The following POGZ variants were observed in gnomAD, a reference collection of about 807,000 sequenced individuals.
The protein encoded by POGZ is pogo transposable element with ZNF domain.
In POGZ, 17 loss-of-function variants were observed where a neutral mutation model predicts 134.6. The ratio of observed to expected loss-of-function variants is 0.13; its 90% CI spans 0.09 to 0.19. POGZ has a LOEUF of 0.19. Among genes scored for constraint, POGZ ranks in the 10% least tolerant of loss-of-function variants. The probability of loss-of-function intolerance (pLI) is 1.00; values close to 1 mark genes in which losing one functional copy is unlikely to be tolerated. For synonymous variants in POGZ, 693 were observed against 657.1 expected, an observed-to-expected ratio of 1.05 and a Z score of -0.84; for missense variants, 1,306 against 1,769.7, an observed-to-expected ratio of 0.74 and a Z score of 4.70.
Position 151,428,286 on chromosome 1 carries a change from C to A in POGZ, c.696G>T (p.Pro232=), listed in dbSNP as rs148189275. The A allele has an allele frequency of 1.1e-5, 18 of 1,613,814 alleles. No homozygotes were observed. Among genetic ancestry groups the A allele is most frequent in the Non-Finnish European group, 1.4e-5 (16 of 1,179,980 alleles). Residue 232 remains proline, a synonymous_variant, in exon 6 of 19, where the codon CCG becomes CCT. Coordinates refer to ENST00000271715, the MANE Select transcript of POGZ (RefSeq NM_015100.4). ...CGGTGCTTCGAATGGTAAGAGTGGC[C>A]GGGATGACGGTGGTGAAGGTGTTGG... The part of the protein sequence containing the change: ...PTTNTFTTVI[P]ATLTIRSTVP...
At chr1:151,423,578 C>G (rs1657301608) in intron 9 of POGZ, 27 bp from the exon 10 acceptor site, 3 of 1,563,120 alleles carry the variant, frequency 1.9e-6, no homozygotes, top group Non-Finnish European at 2.6e-6. Flanking sequence ...AGAGAAAGTA[C>G]AGAAAACATA....
At chr1:151,453,684 A>G (rs12068791) in intron 1 of POGZ, among the ~76,000 whole-genome samples, 19 of 152,206 alleles carry the variant, frequency 1.2e-4, no homozygotes, top group African/African-American at 4.6e-4. Context: ...CTCACACAGA[A>G]CTATTAGCAA....
chr1:151,420,632 C>T (rs1656724890), intron 10 of POGZ, among the ~76,000 whole-genome samples: 1 of 152,048 alleles, frequency 6.6e-6, no homozygotes, highest in Non-Finnish European at 1.5e-5. Flanking sequence ...AATATACATT[C>T]TACTCCCAAA....
intron 1 of POGZ, among the ~76,000 whole-genome samples, chr1:151,446,270 A>AC (rs72506281): frequency 1.5e-5 from 2 of 137,352 alleles, no homozygotes; most frequent in African/African-American, 5.1e-5. Context: ...AAAAAAAAAA[A>AC]AAAACGAATT....
intron 12 of POGZ, among the ~76,000 whole-genome samples, chr1:151,411,193 C>A (rs1654604210): frequency 6.6e-6 from 1 of 152,174 alleles, no homozygotes; most frequent in Non-Finnish European, 1.5e-5. Context: ...ACTTCCAACC[C>A]CTCTGTCTCT....
chr1:151,403,746 T>C lies in POGZ; in HGVS notation c.*1056A>G. 2.0e-6 allele frequency: 2 copies of C among 985,764 alleles called. No individual in the cohort carries two copies. Among genetic ancestry groups the C allele is most frequent in the Non-Finnish European group, 2.4e-6 (2 of 829,936 alleles). The allele number at this position is 985,764 out of a possible 1,614,324, so 61.1% of individuals were successfully genotyped here. A position where few individuals can be genotyped will look rare whatever the true frequency, so the allele number is the denominator to read the frequency against. On this transcript the variant is annotated 3_prime_UTR_variant, in exon 19 of 19. Transcript: ENST00000271715. ...CGCTGGATTTCAACAAGTGGTCTTG[T>C]CTTTTTAAAGTTCAACACTTCTTGA...
chr1:151,406,251 G>A lies in POGZ; in HGVS notation c.2784C>T (p.Ala928=). 1 of 1,613,920 alleles carries A rather than the reference G, an allele frequency of 6.2e-7. No homozygotes were observed. The highest frequency in any genetic ancestry group is 1.1e-5 in the South Asian group (1 of 91,062). The change falls in exon 19 of 19, where the codon GCC becomes GCT. Residue 928 remains alanine (A), a synonymous_variant. Transcript: ENST00000271715. ...CTCCCTCTGTAGCCAGCGGTGGAAGGGCTAAAGCCTGCGGGTGAGTGGGGG... is the reference window on the plus strand; with the variant it reads ...CTCCCTCTGTAGCCAGCGGTGGAAGAGCTAAAGCCTGCGGGTGAGTGGGGG... ...PPTPTHPQAL[A]LPPLATEGAE...
At chr1:151,422,452 G>A (rs1326346813) in intron 10 of POGZ, among the ~76,000 whole-genome samples, 4 of 152,096 alleles carry the variant, frequency 2.6e-5, no homozygotes, top group African/African-American at 7.2e-5. Context: ...AGAGGTGTAC[G>A]CTCATAAGCA....
intron 9 of POGZ, 138 bp downstream of exon 9, chr1:151,423,811 T>C: frequency 1.4e-6 from 1 of 694,754 alleles, no homozygotes; most frequent in Non-Finnish European, 2.4e-6. Context: ...TCTATAGTCC[T>C]AGTTATTGAT....
intron 1 of POGZ, among the ~76,000 whole-genome samples, chr1:151,458,006 C>G (rs1182333827): frequency 1.3e-5 from 2 of 151,550 alleles, no homozygotes; most frequent in African/African-American, 4.9e-5. Context: ...CTTGGAAGGA[C>G]GGGCTACACC....
chr1:151,441,044 G>A lies in POGZ; in HGVS notation c.167C>T (p.Ala56Val). The part of the protein sequence containing the change: ...QQPVSAPVPI[A>V]AHASVAGHLS... ...GTGCCCAGCAACAGAAGCATGGGCA[G>A]CGATGGGCACTGGAGCCGAGACTGG... Residue 56 changes from alanine (A) to valine (V), a missense_variant, in exon 3 of 19, where the codon GCT (alanine) becomes GTT (valine). Around this residue, in one of 10 missense-constraint regions of POGZ, gnomAD observed 541 missense variants for 680.5 expected, o/e 0.80. Transcript: ENST00000271715. 3 of 1,614,030 alleles carry A rather than the reference G, an allele frequency of 1.9e-6. No homozygotes were observed. Among genetic ancestry groups the A allele is most frequent in the Non-Finnish European group, 2.5e-6 (3 of 1,179,898 alleles).
At position 151,403,877 on chromosome 1, in the gene POGZ, G is replaced by T; in HGVS notation, c.*925C>A. 1 of 985,472 alleles carries T rather than the reference G, an allele frequency of 1.0e-6. No homozygotes were observed. The allele number at this position is 985,472 out of a possible 1,614,324, so 61.0% of individuals were successfully genotyped here. A position where few individuals can be genotyped will look rare whatever the true frequency, so the allele number is the denominator to read the frequency against. On this transcript the variant is annotated 3_prime_UTR_variant, in exon 19 of 19. Transcript: ENST00000271715. ...AGGGACTGCCCCTGGGGGCTTACAG[G>T]ATGAAGACTCAAACTGGGAATGGCT...
chr1:151,445,533 A>G lies in POGZ; in HGVS notation c.-1-3328T>C, dbSNP rs757479244. Among the ~76,000 whole-genome samples the G allele has an allele frequency of 8.7e-4, 132 of 151,656 alleles. 3 individuals are homozygous for G. The highest frequency in any genetic ancestry group is 2.1e-4 in the South Asian group (1 of 4,810). ...GCCAGACTCTGTCTCAAAAAAAAAAAAAAAAGAAAAAAAGAAAGAGACAAA... is the reference window on the plus strand; with the variant it reads ...GCCAGACTCTGTCTCAAAAAAAAAAGAAAAAGAAAAAAAGAAAGAGACAAA... On this transcript the variant is annotated intron_variant, in intron 1 of 18. Coordinates refer to ENST00000271715, the MANE Select transcript of POGZ (RefSeq NM_015100.4).
chr1:151,428,813 CTCT>C lies in POGZ; in HGVS notation c.569-403_569-401del, dbSNP rs1355403608. On this transcript the variant is annotated intron_variant, in intron 5 of 18. Coordinates refer to ENST00000271715, the MANE Select transcript of POGZ (RefSeq NM_015100.4). Reference sequence around the variant, plus strand: ...CAGAGTACTAAAGGAGTCTTCCATCCTCTTCTATCAACTCAGAAGACAGACTAT... The same window carrying C: ...CAGAGTACTAAAGGAGTCTTCCATCCTCTATCAACTCAGAAGACAGACTAT... 5.9e-5 allele frequency among the ~76,000 whole-genome samples: 9 copies of C among 152,198 alleles called. 1 individual carries two copies. The East Asian group carries it at 1.7e-3, about 29-fold the overall frequency.
At chr1:151,450,468 T>G (rs1272122474) in intron 1 of POGZ, among the ~76,000 whole-genome samples, 1 of 152,148 alleles carries the variant, frequency 6.6e-6, no homozygotes, top group Non-Finnish European at 1.5e-5. Context: ...TCCTCCCGTC[T>G]CAGCCTCCCA....
At chr1:151,422,237 A>AT (rs1458383115) in intron 10 of POGZ, among the ~76,000 whole-genome samples, 3 of 152,110 alleles carry the variant, frequency 2.0e-5, no homozygotes, top group African/African-American at 7.2e-5. Flanking sequence ...AGCCACAAGG[A>AT]TTTTTTCCCT....
In POGZ at chr1:151,404,754, CCTCA is replaced by C; in HGVS notation, c.*44_*47del. ...CTTTTCCCTAAGCCCCTTTACCCTC[CCTCA>C]CATGTTCCCACCCTCACTCCACACC... On this transcript the variant is annotated 3_prime_UTR_variant, in exon 19 of 19. Coordinates refer to ENST00000271715, the MANE Select transcript of POGZ (RefSeq NM_015100.4). 1 of 1,535,162 alleles carries C rather than the reference CCTCA, an allele frequency of 6.5e-7. No individual in the cohort carries two copies. The highest frequency in any genetic ancestry group is 1.3e-5 in the South Asian group (1 of 77,788).
rs1429373667 is a variant in POGZ, at chr1:151,408,151, A to G, written c.2324T>C (p.Leu775Pro). ...NHFPTYVHCS[L>P]CRYSTCCSRA... ...AGAACAGCAGGTGCTATAGCGACAC[A>G]GAGAGCAGTGTACGTAAGTAGGGAA... The change falls in exon 15 of 19, where the codon CTG (leucine) becomes CCG (proline). Residue 775 changes from leucine (L) to proline (P), a missense_variant. This residue lies in a region of POGZ where 34 missense variants were observed against 95.5 expected (regional missense o/e 0.36). Transcript: ENST00000271715. 6.2e-7 allele frequency: 1 copy of G among 1,613,186 alleles called. No individual in the cohort carries two copies. The highest frequency in any genetic ancestry group is 1.3e-5 in the African/African-American group (1 of 74,996).
chr1:151,434,358 C>T (rs1254084575), intron 3 of POGZ, among the ~76,000 whole-genome samples: 8 of 151,934 alleles, frequency 5.3e-5, no homozygotes, highest in Admixed American at 5.2e-4. Flanking sequence ...CCTGTAGTCC[C>T]AGCTACTTGG....
Sources: gnomAD v4.1 joint callset for allele counts (sites outside exome capture counted in the v4.1 genomes callset) on GRCh38, gnomAD v4.1.1 for gene constraint, gnomAD v4.1.1 regional missense constraint, MANE v1.5 for transcripts, NCBI Gene and HGNC (gene_info 2026-07-23, HGNC 2026-07-21) for gene names.